The following RHOA variants were observed in gnomAD, a reference collection of about 807,000 sequenced individuals.
RHOA encodes transforming protein RhoA.
In RHOA, 3 loss-of-function variants were observed where a neutral mutation model predicts 17.5. That is an observed-to-expected ratio of 0.17 (90% confidence interval 0.08 to 0.44). RHOA has a LOEUF of 0.44. Ranked by LOEUF, RHOA falls within the 20% of genes least tolerant of loss-of-function variation. RHOA has a pLI of 0.99. For missense variants in RHOA, 56 were observed against 242.3 expected, an observed-to-expected ratio of 0.23 and a Z score of 5.10; for synonymous variants, 98 against 88.4, an observed-to-expected ratio of 1.11 and a Z score of -0.61.
intron 2 of RHOA, among the ~76,000 whole-genome samples, chr3:49,375,121 T>C (rs1463539134): frequency 1.3e-5 from 2 of 151,786 alleles, no homozygotes; most frequent in African/African-American, 4.8e-5. Flanking sequence ...GAGCTCAGCA[T>C]GGTGGCAACA....
chr3:49,360,850 C>T (rs1333184529), intron 4 of RHOA: 3 of 239,852 alleles, frequency 1.3e-5, no homozygotes, highest in South Asian at 7.0e-5. Flanking sequence ...CTGAGCTGGG[C>T]GGATCACGAG....
At chr3:49,369,511 C>A (rs1039896640) in intron 2 of RHOA, among the ~76,000 whole-genome samples, 1 of 139,714 alleles carries the variant, frequency 7.2e-6, no homozygotes, top group South Asian at 2.4e-4. Flanking sequence ...GGCGGGCTGA[C>A]TGCCTGAGCT....
At chr3:49,390,475 A>T (rs1259175790) in intron 1 of RHOA, among the ~76,000 whole-genome samples, 9 of 151,424 alleles carry the variant, frequency 5.9e-5, no homozygotes, top group Non-Finnish European at 1.2e-4. Flanking sequence ...TGTTGGCCAG[A>T]CTAGTCTTGA....
intron 1 of RHOA, among the ~76,000 whole-genome samples, chr3:49,394,105 C>T (rs985095626): frequency 1.6e-4 from 24 of 151,970 alleles, no homozygotes; most frequent in African/African-American, 5.5e-4. Flanking sequence ...CTCCTGACCT[C>T]GTGATCTGCC....
intron 1 of RHOA, among the ~76,000 whole-genome samples, chr3:49,377,319 G>A (rs963755327): frequency 3.3e-5 from 5 of 152,044 alleles, no homozygotes; most frequent in African/African-American, 7.2e-5. Context: ...AGGGCCGGGC[G>A]CAGTGGCTCA....
chr3:49,361,700 G>A (rs1459070361), intron 4 of RHOA, among the ~76,000 whole-genome samples: 4 of 151,906 alleles, frequency 2.6e-5, no homozygotes, highest in South Asian at 4.1e-4. Context: ...GACCAACATG[G>A]AGAAAACCCG....
At chr3:49,409,035 G>A (rs916642022) in intron 1 of RHOA, among the ~76,000 whole-genome samples, 6 of 149,516 alleles carry the variant, frequency 4.0e-5, no homozygotes, top group African/African-American at 9.8e-5. Flanking sequence ...TGATCCGCCC[G>A]CCTCGGCCTC....
At chr3:49,369,617 C>A (rs1438690195) in intron 2 of RHOA, among the ~76,000 whole-genome samples, 3 of 151,860 alleles carry the variant, frequency 2.0e-5, no homozygotes, top group Non-Finnish European at 4.4e-5. Context: ...CGCCTGTAGT[C>A]CCAGCTACTG....
chr3:49,399,095 C>A (rs888066877), intron 1 of RHOA, among the ~76,000 whole-genome samples: 6 of 113,372 alleles, frequency 5.3e-5, no homozygotes, highest in Non-Finnish European at 1.1e-4. Flanking sequence ...AAAGGCTGGG[C>A]ACGGTGGCTC....
intron 1 of RHOA, among the ~76,000 whole-genome samples, chr3:49,408,177 A>AT (rs1491176944): frequency 6.0e-5 from 7 of 116,710 alleles, no homozygotes; most frequent in South Asian, 2.5e-4. Flanking sequence ...AAAAAAAAAA[A>AT]ATATATATAT....
chr3:49,383,823 A>G (rs781599422), intron 1 of RHOA, among the ~76,000 whole-genome samples: 12 of 152,124 alleles, frequency 7.9e-5, no homozygotes, highest in African/African-American at 9.7e-5. Context: ...TGAGGTCAGG[A>G]GTTCGAGACC....
chr3:49,362,423 T>C, intron 4 of RHOA, 73 bp downstream of exon 4: 1 of 1,478,524 alleles, frequency 6.8e-7, no homozygotes, highest in Non-Finnish European at 9.0e-7. Context: ...AGGTTCCTGC[T>C]GGGCTCCCCA....
At chr3:49,399,915 C>G (rs975005729) in intron 1 of RHOA, among the ~76,000 whole-genome samples, 1 of 152,006 alleles carries the variant, frequency 6.6e-6, no homozygotes, top group Non-Finnish European at 1.5e-5. Flanking sequence ...ATCTTGGAAT[C>G]TGAACTCAAG....
intron 1 of RHOA, among the ~76,000 whole-genome samples, chr3:49,387,570 C>T (rs1409014106): frequency 1.3e-5 from 2 of 151,338 alleles, no homozygotes; most frequent in East Asian, 1.9e-4. Flanking sequence ...GGTGAAACCC[C>T]GTCTCTACTA....
At chr3:49,387,620 C>T (rs927635200) in intron 1 of RHOA, among the ~76,000 whole-genome samples, 16 of 151,672 alleles carry the variant, frequency 1.1e-4, no homozygotes, top group Non-Finnish European at 2.2e-4. Context: ...TGGCGGGCAC[C>T]TGTAGTTCCA....
intron 3 of RHOA, among the ~76,000 whole-genome samples, chr3:49,365,986 G>A (rs2048048851): frequency 6.6e-6 from 1 of 152,114 alleles, no homozygotes; most frequent in Non-Finnish European, 1.5e-5. Context: ...GAGCCCAGGA[G>A]GTCGAGGCAG....
intron 3 of RHOA, among the ~76,000 whole-genome samples, chr3:49,364,523 T>C (rs1364032048): frequency 6.6e-6 from 1 of 151,602 alleles, no homozygotes; most frequent in Non-Finnish European, 1.5e-5. Context: ...TAACTGGGCA[T>C]GGTGGTGCAC....
chr3:49,397,605 T>C (rs1481993063), intron 1 of RHOA, among the ~76,000 whole-genome samples: 1 of 152,098 alleles, frequency 6.6e-6, no homozygotes, highest in Non-Finnish European at 1.5e-5. Context: ...GGCTGCCAGT[T>C]ATAAAGACTA....
chr3:49,399,591 T>C (rs10446467), intron 1 of RHOA, among the ~76,000 whole-genome samples: 41,457 of 147,888 alleles, frequency 0.28, 6,274 homozygotes, highest in Middle Eastern at 0.31. Context: ...TTTTTTTTTT[T>C]CCCCCAGAAA....
Sources: gnomAD v4.1 joint callset for allele counts (sites outside exome capture counted in the v4.1 genomes callset) on GRCh38, gnomAD v4.1.1 for gene constraint, MANE v1.5 for transcripts, NCBI Gene and HGNC (gene_info 2026-07-23, HGNC 2026-07-21) for gene names.